The following AKAP11 variants were observed in gnomAD, a reference collection of about 807,000 sequenced individuals.
AKAP11 encodes A-kinase anchoring protein 11.
Under a neutral mutation model 146.1 loss-of-function variants are expected in AKAP11, and 36 were observed. The ratio of observed to expected loss-of-function variants is 0.25; its 90% CI spans 0.19 to 0.33. AKAP11 has a LOEUF of 0.33. Ranked by LOEUF, AKAP11 falls within the 10% of genes least tolerant of loss-of-function variation. The probability of loss-of-function intolerance (pLI) is 1.00; values close to 1 mark genes in which losing one functional copy is unlikely to be tolerated. For missense variants in AKAP11, 2,201 were observed against 2,197.0 expected (o/e 1.00, Z -0.04); for synonymous variants, 780 against 786.5 (o/e 0.99, Z 0.14).
intron 9 of AKAP11, among the ~76,000 whole-genome samples, chr13:42,309,009 A>G (rs17521593): frequency 0.12 from 18,782 of 152,144 alleles, 1,304 homozygotes; most frequent in South Asian, 0.17. Context: ...TCCTGACATT[A>G]GTTAAAATAG....
chr13:42,298,487 G>A (rs1487036440), intron 6 of AKAP11, 46 bp from the exon 7 acceptor site: 3 of 1,579,676 alleles, frequency 1.9e-6, no homozygotes, highest in East Asian at 2.3e-5. Flanking sequence ...ATGTTGTTTT[G>A]TATTTGAAAT....
rs746355019 is a variant in AKAP11, at chr13:42,301,826, C to G, written c.3080C>G (p.Pro1027Arg). 14 of 1,614,144 alleles carry G rather than the reference C, an allele frequency of 8.7e-6. No homozygotes were observed. The highest frequency in any genetic ancestry group is 1.2e-5 in the Non-Finnish European group (14 of 1,180,004). Residue 1027 changes from proline to arginine, a missense_variant, in exon 8 of 13, where the codon CCA becomes CGA. Pro to Arg is a moderately radical substitution (Grantham distance 103). This residue lies in a region of AKAP11 where 1,867 missense variants were observed against 1,833.5 expected (regional missense o/e 1.02). Coordinates refer to ENST00000025301, the MANE Select transcript of AKAP11 (RefSeq NM_016248.4). ...TCCCTAGAGACACTGCCATCTTGTC[C>G]AGCTGTGACAGGTCAGAAATCTGAC... ...GSSLETLPSC[P>R]AVTGQKSDLK...
intron 11 of AKAP11, among the ~76,000 whole-genome samples, chr13:42,314,399 C>G (rs1003343173): frequency 6.9e-6 from 1 of 145,840 alleles, no homozygotes; most frequent in African/African-American, 2.5e-5. Flanking sequence ...GAGCCGAGAT[C>G]ATGCCACTGC....
intron 1 of AKAP11, among the ~76,000 whole-genome samples, chr13:42,283,775 C>G (rs572794154): frequency 6.6e-6 from 1 of 152,278 alleles, no homozygotes; most frequent in South Asian, 2.1e-4. Context: ...ATCTCTTTTC[C>G]CTACTTCCCT....
intron 3 of AKAP11, among the ~76,000 whole-genome samples, chr13:42,287,819 CA>C: frequency 6.6e-6 from 1 of 152,192 alleles, no homozygotes; most frequent in East Asian, 1.9e-4. Flanking sequence ...AATATAATAG[CA>C]AACTGATAAC....
rs183958581 is a variant in AKAP11, at chr13:42,288,902, G to T, written c.51+2503G>T. Among the ~76,000 whole-genome samples the T allele has an allele frequency of 1.4e-3, 207 of 152,256 alleles. 1 individual carries two copies. The highest frequency in any genetic ancestry group is 4.5e-3 in the African/African-American group (187 of 41,562). ...ATGTTTAAAGGTTTAATTGGATCAG[G>T]TTAAGCATTTATGGCAAGAATACTT... On this transcript the variant is annotated intron_variant, in intron 3 of 12. Transcript: ENST00000025301.
intron 3 of AKAP11, among the ~76,000 whole-genome samples, chr13:42,290,060 T>G (rs1343721376): frequency 6.6e-6 from 1 of 152,166 alleles, no homozygotes. Context: ...TCAAGTATCC[T>G]TGTAACTTTT....
rs1164619744 is a variant in AKAP11 at position 42,276,579 on chromosome 13, G to A, written c.-100+4351G>A. 2.0e-5 allele frequency among the ~76,000 whole-genome samples: 3 copies of A among 152,210 alleles called. No individual in the cohort carries two copies. In the East Asian group the frequency reaches 5.8e-4, roughly 29 times the overall value. On this transcript the variant is annotated intron_variant, in intron 1 of 12. Coordinates refer to ENST00000025301, the MANE Select transcript of AKAP11 (RefSeq NM_016248.4). ...TATTCCTATGTTGATATAAAATACT[G>A]TCTTCCAGTTACCTTCTAATTTGCA...
intron 11 of AKAP11, among the ~76,000 whole-genome samples, chr13:42,317,308 T>C (rs1226418044): frequency 6.6e-6 from 1 of 152,266 alleles, no homozygotes; most frequent in East Asian, 1.9e-4. Flanking sequence ...TTTTATATTT[T>C]TGCAATCAAT....
In AKAP11 at chr13:42,303,371, A is replaced by G. The variant is rs1251156795; in HGVS notation, c.4625A>G (p.Gln1542Arg). The change falls in exon 8 of 13, where the codon CAG becomes CGG. Residue 1542 changes from glutamine (Q) to arginine (R), a missense_variant. Transcript: ENST00000025301. Reference sequence around the variant, plus strand: ...GACAATGTTGTTCAAGCTGTAGAACAGTATGCCAAAAAAGTAGTGGATGAC... The same window carrying G: ...GACAATGTTGTTCAAGCTGTAGAACGGTATGCCAAAAAAGTAGTGGATGAC... ...CGDNVVQAVEQYAKKVVDDTL... is the reference protein window; with the variant it reads ...CGDNVVQAVERYAKKVVDDTL... 1 of 1,613,344 alleles carries G rather than the reference A, an allele frequency of 6.2e-7. No individual in the cohort carries two copies. The highest frequency in any genetic ancestry group is 1.3e-5 in the African/African-American group (1 of 74,928).
chr13:42,302,048 C>T lies in AKAP11; in HGVS notation c.3302C>T (p.Pro1101Leu). ...GACAGAAATGTAATACCTGATACTC[C>T]TCCATCAACTCCTCTAGTACCATCC... ...VRDRNVIPDT[P>L]PSTPLVPSRA... Residue 1101 changes from proline (P) to leucine (L), a missense_variant, in exon 8 of 13, where the codon CCT (proline) becomes CTT (leucine). Around this residue, in one of 3 missense-constraint regions of AKAP11, gnomAD observed 1,867 missense variants for 1,833.5 expected, o/e 1.02. Transcript: ENST00000025301. 1 of 1,614,096 alleles carries T rather than the reference C, an allele frequency of 6.2e-7. No homozygotes were observed.
intron 3 of AKAP11, among the ~76,000 whole-genome samples, chr13:42,289,601 T>C (rs894168468): frequency 6.6e-6 from 1 of 152,158 alleles, no homozygotes; most frequent in African/African-American, 2.4e-5. Context: ...TGTATCCTTT[T>C]GGTACAGGAT....
At chr13:42,271,952 C>A (rs911333198), upstream of AKAP11, among the ~76,000 whole-genome samples, 4 of 151,536 alleles carry the variant, frequency 2.6e-5, no homozygotes, top group Non-Finnish European at 5.9e-5. Flanking sequence ...CCCACTTTTG[C>A]GCGGGCTCGG....
rs751014486 is a variant in AKAP11, at chr13:42,300,472, T to C, written c.1726T>C (p.Cys576Arg). The C allele has an allele frequency of 3.7e-6, 6 of 1,614,102 alleles. No homozygotes were observed. The highest frequency in any genetic ancestry group is 4.2e-6 in the Non-Finnish European group (5 of 1,179,952). ...AGACTTACAGAAAGGAGTCTCTTCA[T>C]GTACCAATGCTTTGTACCACTTAGC... ...FKDLQKGVSS[C>R]TNALYHLAIK... Residue 576 changes from cysteine (C) to arginine (R), a missense_variant, in exon 8 of 13, where the codon TGT becomes CGT. By Grantham distance (180) the Cys-to-Arg change is radical. This residue lies in a region of AKAP11 where 1,867 missense variants were observed against 1,833.5 expected (regional missense o/e 1.02). Transcript: ENST00000025301.
intron 1 of AKAP11, among the ~76,000 whole-genome samples, 157 bp downstream of exon 1, chr13:42,272,385 C>A (rs181265605): frequency 2.6e-5 from 4 of 152,262 alleles, no homozygotes; most frequent in Admixed American, 6.5e-5. Flanking sequence ...CCGAGAGCTG[C>A]GCCTTCGCAT....
At chr13:42,275,697 C>G (rs573785121) in intron 1 of AKAP11, among the ~76,000 whole-genome samples, 1 of 152,168 alleles carries the variant, frequency 6.6e-6, no homozygotes, top group Non-Finnish European at 1.5e-5. Context: ...TGTGGGAGTT[C>G]AGGCAAATTA....
intron 1 of AKAP11, among the ~76,000 whole-genome samples, chr13:42,274,708 T>C (rs572538940): frequency 9.2e-5 from 14 of 152,254 alleles, no homozygotes; most frequent in African/African-American, 3.1e-4. Flanking sequence ...AAAAAACTTC[T>C]GGAGTAAAGG....
upstream of AKAP11, among the ~76,000 whole-genome samples, chr13:42,271,622 T>G (rs1388954593): frequency 1.3e-5 from 2 of 152,162 alleles, no homozygotes; most frequent in Non-Finnish European, 2.9e-5. Context: ...CCCCAGGCTG[T>G]TAAGACTAAG....
chr13:42,292,651 G>A (rs75345635), intron 4 of AKAP11, 150 bp downstream of exon 4: 2 of 440,132 alleles, frequency 4.5e-6, no homozygotes, highest in Non-Finnish European at 7.9e-6. Context: ...GGGCGGGAGA[G>A]GGGAAAAAAA....
Sources: gnomAD v4.1 joint callset for allele counts (sites outside exome capture counted in the v4.1 genomes callset) on GRCh38, gnomAD v4.1.1 for gene constraint, gnomAD v4.1.1 regional missense constraint, MANE v1.5 for transcripts, NCBI Gene and HGNC (gene_info 2026-07-23, HGNC 2026-07-21) for gene names.